The following ZNF566 variants were observed in gnomAD, a reference collection of about 807,000 sequenced individuals.
ZNF566 encodes zinc finger protein 566.
In ZNF566, 27 loss-of-function variants were observed where a neutral mutation model predicts 32.8. That is an observed-to-expected ratio of 0.82 (90% CI 0.61 to 1.14). ZNF566 has a LOEUF of 1.14. ZNF566 is among the 50% of genes most tolerant of loss of function. ZNF566 has a pLI of 0.00. For synonymous variants in ZNF566, 154 were observed against 159.5 expected (o/e 0.97, Z 0.26); for missense variants, 402 against 490.4 (o/e 0.82, Z 1.70).
At chr19:36,452,295 C>T (rs927812924) in intron 4 of ZNF566, among the ~76,000 whole-genome samples, 12 of 150,308 alleles carry the variant, frequency 8.0e-5, no homozygotes, top group Non-Finnish European at 1.0e-4. Flanking sequence ...GAAATGACTA[C>T]GGAATGAGAT....
At position 36,477,536 on chromosome 19, in the gene ZNF566, TGTTTG is replaced by T. The variant is rs1568529047; in HGVS notation, c.-59-925_-59-921del. 1.6e-3 allele frequency among the ~76,000 whole-genome samples: 196 copies of T among 124,766 alleles called. 20 individuals carry two copies. Among genetic ancestry groups the T allele is most frequent in the African/African-American group, 1.6e-3 (49 of 30,882 alleles). The allele number at this position is 124,766 out of a possible 152,430, so 81.9% of individuals were successfully genotyped here. A position where few individuals can be genotyped will look rare whatever the true frequency, so the allele number is the denominator to read the frequency against. ...CAGTTTTCTGTTTCTGTTTTTTTTT[TGTTTG>T]TTTGTTTGTTTTTTTGAGACGGAGT... On this transcript the variant is annotated intron_variant, in intron 1 of 4. Coordinates refer to ENST00000452939, the MANE Select transcript of ZNF566 (RefSeq NM_001145344.1).
chr19:36,479,293 A>G (rs1264208011), intron 1 of ZNF566, among the ~76,000 whole-genome samples: 1 of 152,226 alleles, frequency 6.6e-6, no homozygotes, highest in Non-Finnish European at 1.5e-5. Context: ...GGTAGGAAAG[A>G]AAGAAAACTA....
At chr19:36,466,906 A>C (rs1192629521) in intron 4 of ZNF566, among the ~76,000 whole-genome samples, 1 of 151,406 alleles carries the variant, frequency 6.6e-6, no homozygotes, top group East Asian at 1.9e-4. Flanking sequence ...ATCTCTACTA[A>C]AAATACAAAA....
Position 36,448,445 on chromosome 19 carries a change from C to A in ZNF566, c.*532G>T, listed in dbSNP as rs895609468. ...CATGAACATTTTTACAATAAGAAAG[C>A]CTTAATGTTATAAAGAACAAAAAGA... On this transcript the variant is annotated 3_prime_UTR_variant, in exon 5 of 5. Transcript: ENST00000452939. The A allele has an allele frequency of 6.6e-6, 1 of 151,880 alleles. No individual in the cohort carries two copies. Among genetic ancestry groups the A allele is most frequent in the Non-Finnish European group, 1.5e-5 (1 of 67,966 alleles). 9.4% of individuals were successfully genotyped at this position (151,880 alleles called of 1,614,324 possible). A position where few individuals can be genotyped will look rare whatever the true frequency, so the allele number is the denominator to read the frequency against.
chr19:36,471,910 T>G (rs2033775914), intron 4 of ZNF566, among the ~76,000 whole-genome samples: 1 of 151,972 alleles, frequency 6.6e-6, no homozygotes, highest in Non-Finnish European at 1.5e-5. Flanking sequence ...ACCCAGCTGA[T>G]TTTTGTATTT....
intron 4 of ZNF566, among the ~76,000 whole-genome samples, chr19:36,472,322 T>C (rs903203210): frequency 2.6e-5 from 4 of 152,234 alleles, no homozygotes; most frequent in African/African-American, 9.6e-5. Flanking sequence ...CACTTTCTGC[T>C]AAGCTCCCTA....
rs973560677 is a variant in ZNF566, at chr19:36,448,304, C to CA, written c.*672dup. Reference sequence around the variant, plus strand: ...ACTTGTATTTTGGCATGTATTATGGCAAAATATCTAGAGGAGACTACGATA... The same window carrying CA: ...ACTTGTATTTTGGCATGTATTATGGCAAAAATATCTAGAGGAGACTACGATA... On this transcript the variant is annotated 3_prime_UTR_variant, in exon 5 of 5. Transcript: ENST00000452939. 1 of 151,966 alleles carries CA rather than the reference C, an allele frequency of 6.6e-6. No homozygotes were observed. The highest frequency in any genetic ancestry group is 1.5e-5 in the Non-Finnish European group (1 of 67,982). The allele number at this position is 151,966 out of a possible 1,614,324, so 9.4% of individuals were successfully genotyped here. A position where few individuals can be genotyped will look rare whatever the true frequency, so the allele number is the denominator to read the frequency against.
intron 1 of ZNF566, among the ~76,000 whole-genome samples, chr19:36,480,366 C>G (rs1267932332): frequency 6.7e-6 from 1 of 149,844 alleles, no homozygotes; most frequent in East Asian, 2.0e-4. Flanking sequence ...TTTACTGTAA[C>G]CTCTGCCTCC....
chr19:36,476,392 T>G, intron 2 of ZNF566, 157 bp downstream of exon 2: 1 of 544,486 alleles, frequency 1.8e-6, no homozygotes, highest in Non-Finnish European at 3.2e-6. Context: ...TTAGAGATCC[T>G]TTCCTTTACA....
chr19:36,465,527 G>C (rs552290297), intron 4 of ZNF566, among the ~76,000 whole-genome samples: 1 of 151,428 alleles, frequency 6.6e-6, no homozygotes, highest in African/African-American at 2.4e-5. Context: ...CCAGGAGTGC[G>C]GTGGCACGAT....
intron 1 of ZNF566, among the ~76,000 whole-genome samples, chr19:36,484,587 CTTTTTTT>C (rs34052223): frequency 1.8e-5 from 2 of 111,934 alleles, no homozygotes; most frequent in African/African-American, 6.9e-5. Flanking sequence ...GGCATAGTTT[CTTTTTTT>C]TTTTTTTTTT....
Position 36,451,960 on chromosome 19 carries a change from T to C in ZNF566, c.233-1959A>G, listed in dbSNP as rs78082986. ...AGGTGGAGATTGCAGTGAGCCAAGA[T>C]CACACCACTGCACTCCAGCCTAGGG... On this transcript the variant is annotated intron_variant, in intron 4 of 4. Coordinates refer to ENST00000452939, the MANE Select transcript of ZNF566 (RefSeq NM_001145344.1). 2.1e-4 allele frequency among the ~76,000 whole-genome samples: 32 copies of C among 151,338 alleles called. No individual in the cohort carries two copies. The East Asian group carries it at 5.5e-3, about 26-fold the overall frequency.
At chr19:36,482,153 T>C (rs959112825) in intron 1 of ZNF566, among the ~76,000 whole-genome samples, 1 of 152,232 alleles carries the variant, frequency 6.6e-6, no homozygotes, top group Non-Finnish European at 1.5e-5. Context: ...TCGCCCAGGC[T>C]GGAGTGCAGT....
Position 36,446,393 on chromosome 19 carries a change from T to C in ZNF566, c.*2584A>G, listed in dbSNP as rs937984224. 3 of 152,058 alleles carry C rather than the reference T, an allele frequency of 2.0e-5. No individual in the cohort carries two copies. The highest frequency in any genetic ancestry group is 7.3e-5 in the African/African-American group (3 of 41,318). The allele number at this position is 152,058 out of a possible 1,614,324, so 9.4% of individuals were successfully genotyped here. On this transcript the variant is annotated 3_prime_UTR_variant, in exon 5 of 5. Transcript: ENST00000452939. Reference sequence around the variant, plus strand: ...TTCAAGCGATTCTCCTGCCTCAGCCTTCCGAGCAGCTGGGACTACAGGCAC... The same window carrying C: ...TTCAAGCGATTCTCCTGCCTCAGCCCTCCGAGCAGCTGGGACTACAGGCAC...
At chr19:36,470,574 TC>T (rs1236947337) in intron 4 of ZNF566, among the ~76,000 whole-genome samples, 1 of 152,166 alleles carries the variant, frequency 6.6e-6, no homozygotes, top group Non-Finnish European at 1.5e-5. Flanking sequence ...CTGCTTCCAA[TC>T]TTGCCACCTA....
At chr19:36,481,647 G>A (rs1470256924) in intron 1 of ZNF566, among the ~76,000 whole-genome samples, 1 of 152,098 alleles carries the variant, frequency 6.6e-6, no homozygotes, top group Non-Finnish European at 1.5e-5. Context: ...TTCTAGAGAG[G>A]AATTTTGCAA....
intron 1 of ZNF566, among the ~76,000 whole-genome samples, chr19:36,479,175 C>T (rs1160668652): frequency 6.6e-6 from 1 of 151,864 alleles, no homozygotes; most frequent in Non-Finnish European, 1.5e-5. Context: ...CCCCCTGAAT[C>T]CAGGAAAAAA....
intron 4 of ZNF566, among the ~76,000 whole-genome samples, chr19:36,470,694 T>G (rs1001168330): frequency 6.6e-6 from 1 of 151,674 alleles, no homozygotes; most frequent in Non-Finnish European, 1.5e-5. Context: ...GAGGATCACC[T>G]GAGGTCAGGA....
chr19:36,464,832 A>G (rs975668248), intron 4 of ZNF566, among the ~76,000 whole-genome samples: 5 of 152,312 alleles, frequency 3.3e-5, no homozygotes, highest in Admixed American at 3.3e-4. Context: ...AAGATCCAAA[A>G]AGTATAAAGC....
Sources: allele counts gnomAD v4.1 joint callset (sites outside exome capture counted in the v4.1 genomes callset), GRCh38; gene constraint gnomAD v4.1.1; transcripts MANE v1.5; gene names NCBI Gene and HGNC (gene_info 2026-07-23, HGNC 2026-07-21).